ONECUT2: variants seen among roughly 807,000 people sequenced by gnomAD.
ONECUT2 encodes one cut homeobox 2.
A neutral mutation model predicts 27.9 loss-of-function variants in ONECUT2; 10 were observed. The observed-to-expected ratio is 0.36, with a 90% CI of 0.22 to 0.61. ONECUT2 has a LOEUF of 0.61. Ranked by LOEUF, ONECUT2 falls within the 20% of genes least tolerant of loss-of-function variation. ONECUT2 has a pLI of 0.73. For synonymous variants in ONECUT2, 334 were observed against 315.1 expected (o/e 1.06, Z -0.64); for missense variants, 686 against 721.0 (o/e 0.95, Z 0.56).
intron 1 of ONECUT2, among the ~76,000 whole-genome samples, chr18:57,452,530 C>T (rs589205): frequency 0.98 from 149,233 of 152,242 alleles, 73,207 homozygotes; most frequent in East Asian, 1. Context: ...GTTCAAGCTA[C>T]TCTCCTGCCT....
At chr18:57,447,123 G>A (rs1034217123) in intron 1 of ONECUT2, among the ~76,000 whole-genome samples, 7 of 152,238 alleles carry the variant, frequency 4.6e-5, no homozygotes, top group African/African-American at 1.4e-4. Context: ...GCAAAGAAGT[G>A]AGCCAGTGAG....
intron 1 of ONECUT2, among the ~76,000 whole-genome samples, chr18:57,456,898 C>A (rs759033516): frequency 2.6e-5 from 4 of 152,258 alleles, no homozygotes; most frequent in East Asian, 1.9e-4. Flanking sequence ...ATTGCTTGAG[C>A]CTGAGTTCTG....
chr18:57,474,712 G>A (rs915262697), intron 1 of ONECUT2, among the ~76,000 whole-genome samples: 1 of 152,122 alleles, frequency 6.6e-6, no homozygotes, highest in African/African-American at 2.4e-5. Context: ...TTTTTGGGGG[G>A]ACATAAACAT....
rs996497363 is a variant in ONECUT2 at position 57,484,335 on chromosome 18, G to A, written c.*7612G>A. ...ATACCAAAGATTTCTTTCTCTGTGC[G>A]GTCTGCATTTTGCTTGTGCTCTTTT... On this transcript the variant is annotated 3_prime_UTR_variant, in exon 2 of 2. Coordinates refer to ENST00000491143, the MANE Select transcript of ONECUT2 (RefSeq NM_004852.3). The A allele has an allele frequency of 1.3e-5, 2 of 152,494 alleles. No homozygotes were observed. The highest frequency in any genetic ancestry group is 2.4e-5 in the African/African-American group (1 of 41,382). 9.4% of individuals were successfully genotyped at this position (152,494 alleles called of 1,614,324 possible). A position where few individuals can be genotyped will look rare whatever the true frequency, so the allele number is the denominator to read the frequency against.
At chr18:57,449,525 A>G (rs2050218440) in intron 1 of ONECUT2, among the ~76,000 whole-genome samples, 1 of 152,244 alleles carries the variant, frequency 6.6e-6, no homozygotes, top group African/African-American at 2.4e-5. Context: ...TTTTAAGGGA[A>G]TCTCAAAGTA....
chr18:57,467,261 C>T (rs923265078), intron 1 of ONECUT2: 1 of 441,076 alleles, frequency 2.3e-6, no homozygotes, highest in Non-Finnish European at 4.6e-6. Context: ...CTTGTCAAGA[C>T]CAGCTTCGAC....
In ONECUT2 at chr18:57,486,235, A is replaced by T. The variant is rs1298485049; in HGVS notation, c.*9512A>T. The stretch of plus-strand genomic sequence containing the variant: ...CTTGAACCAAAGCAACGATTTAGCC[A>T]GTCTGGACCTCTCTGTGCTTTTTTT... On this transcript the variant is annotated 3_prime_UTR_variant, in exon 2 of 2. Transcript: ENST00000491143. 6.6e-6 allele frequency: 1 copy of T among 152,610 alleles called. No homozygotes were observed. Among genetic ancestry groups the T allele is most frequent in the Non-Finnish European group, 1.5e-5 (1 of 68,034 alleles). The allele number at this position is 152,610 out of a possible 1,614,324, so 9.5% of individuals were successfully genotyped here. A position where few individuals can be genotyped will look rare whatever the true frequency, so the allele number is the denominator to read the frequency against.
rs370321277 is a variant in ONECUT2, at chr18:57,436,739, C to T, written c.1023C>T (p.Arg341=). Residue 341 remains arginine, a synonymous_variant, in exon 1 of 2, where the codon CGC becomes CGT. Transcript: ENST00000491143. The surrounding 1 kb of genome is among the most constrained non-coding windows in gnomAD (Gnocchi z 5.9). ...TCAACACCAAAGAGGTGGCCCAGCGCATCACAGCGGAGCTGAAGCGCTACA... is the reference window on the plus strand; with the variant it reads ...TCAACACCAAAGAGGTGGCCCAGCGTATCACAGCGGAGCTGAAGCGCTACA... ...EEINTKEVAQ[R]ITAELKRYSI... The T allele has an allele frequency of 6.2e-7, 1 of 1,613,966 alleles. No homozygotes were observed. Among genetic ancestry groups the T allele is most frequent in the African/African-American group, 1.3e-5 (1 of 75,072 alleles).
intron 1 of ONECUT2, among the ~76,000 whole-genome samples, chr18:57,446,038 G>A (rs555826242): frequency 3.6e-4 from 55 of 152,242 alleles, no homozygotes; most frequent in Non-Finnish European, 6.3e-4. Flanking sequence ...CATTAACCCC[G>A]GCCCAACTGC....
chr18:57,461,838 A>T (rs1013128420), intron 1 of ONECUT2, among the ~76,000 whole-genome samples: 1 of 152,248 alleles, frequency 6.6e-6, no homozygotes, highest in Non-Finnish European at 1.5e-5. Context: ...TCAGGCAAAG[A>T]GCTGAAGGTA....
At chr18:57,454,652 T>C (rs2050248962) in intron 1 of ONECUT2, among the ~76,000 whole-genome samples, 1 of 152,164 alleles carries the variant, frequency 6.6e-6, no homozygotes, top group Non-Finnish European at 1.5e-5. Context: ...ACATCTGTAC[T>C]TCAACATAAA....
Position 57,491,101 on chromosome 18 carries a change from C to T in ONECUT2, c.*14378C>T, listed in dbSNP as rs1176116088. 1 of 152,614 alleles carries T rather than the reference C, an allele frequency of 6.6e-6. No individual in the cohort carries two copies. The highest frequency in any genetic ancestry group is 1.5e-5 in the Non-Finnish European group (1 of 68,046). The allele number at this position is 152,614 out of a possible 1,614,324, so 9.5% of individuals were successfully genotyped here. A position where few individuals can be genotyped will look rare whatever the true frequency, so the allele number is the denominator to read the frequency against. On this transcript the variant is annotated 3_prime_UTR_variant, in exon 2 of 2. Coordinates refer to ENST00000491143, the MANE Select transcript of ONECUT2 (RefSeq NM_004852.3). ...CACGCTTCATCATCAAGGGGATGCC[C>T]ATCCCCTGATAAGCTCCCAGTCCTT...
intron 1 of ONECUT2, among the ~76,000 whole-genome samples, chr18:57,450,996 G>A (rs1301700883): frequency 6.6e-6 from 1 of 152,134 alleles, no homozygotes; most frequent in Non-Finnish European, 1.5e-5. Context: ...TTTAAGATTT[G>A]AATGGATACA....
At chr18:57,448,311 T>C (rs910461466) in intron 1 of ONECUT2, among the ~76,000 whole-genome samples, 2 of 152,216 alleles carry the variant, frequency 1.3e-5, no homozygotes, top group Non-Finnish European at 1.5e-5. Context: ...AAGGGTATGA[T>C]AAATGAGAAT....
chr18:57,458,646 T>C (rs1380251550), intron 1 of ONECUT2, among the ~76,000 whole-genome samples: 2 of 152,182 alleles, frequency 1.3e-5, no homozygotes, highest in Non-Finnish European at 2.9e-5. Flanking sequence ...CTGTTTACCA[T>C]TTTTGGTTGT....
intron 1 of ONECUT2, among the ~76,000 whole-genome samples, chr18:57,449,181 G>A (rs1366590419): frequency 6.6e-6 from 1 of 152,092 alleles, no homozygotes; most frequent in Admixed American, 6.6e-5. Context: ...TCCTAAATTG[G>A]GATCTCTTTG....
At chr18:57,456,706 AAGT>A (rs1357229335) in intron 1 of ONECUT2, among the ~76,000 whole-genome samples, 1 of 152,236 alleles carries the variant, frequency 6.6e-6, no homozygotes, top group East Asian at 1.9e-4. Context: ...ATAACCTTAA[AAGT>A]AGTTAAGATG....
At chr18:57,437,698 G>A (rs2050150732) in intron 1 of ONECUT2, among the ~76,000 whole-genome samples, 1 of 151,864 alleles carries the variant, frequency 6.6e-6, no homozygotes, top group East Asian at 1.9e-4. Context: ...ACCGCTTTGG[G>A]AGGACGTGGG....
intron 1 of ONECUT2, among the ~76,000 whole-genome samples, chr18:57,452,406 A>C (rs577346700): frequency 6.9e-6 from 1 of 145,074 alleles, no homozygotes; most frequent in African/African-American, 2.8e-5. Flanking sequence ...TTGTAGCTCA[A>C]CCTGTATTTT....
Sources: allele counts gnomAD v4.1 joint callset (sites outside exome capture counted in the v4.1 genomes callset), GRCh38; gene constraint gnomAD v4.1.1; non-coding constraint Gnocchi (gnomAD v3.1); transcripts MANE v1.5; gene names NCBI Gene and HGNC (gene_info 2026-07-23, HGNC 2026-07-21).